The following MCM4 variants were observed in gnomAD, a reference collection of about 807,000 sequenced individuals.
MCM4 encodes the protein minichromosome maintenance complex component 4.
MCM4 carries 60 observed loss-of-function variants against 88.7 expected under a neutral mutation model. That is an observed-to-expected ratio of 0.68 (90% CI 0.55 to 0.84). The LOEUF (loss-of-function observed/expected upper bound fraction) is 0.84. Among genes scored for constraint, MCM4 ranks in the 40% least tolerant of loss-of-function variants. The pLI, the probability that MCM4 is intolerant of heterozygous loss-of-function variation, is 0.00. For missense variants in MCM4, 1,149 were observed against 1,105.5 expected (o/e 1.04, Z -0.56); for synonymous variants, 465 against 410.5 (o/e 1.13, Z -1.61).
At chr8:47,961,832 G>A in intron 3 of MCM4, 152 bp downstream of exon 3, 1 of 1,112,628 alleles carries the variant, frequency 9.0e-7, no homozygotes, top group South Asian at 1.6e-5. Context: ...GAGCTGAACG[G>A]AGTGCAGAAA....
rs1332552431 is a variant in MCM4, at chr8:47,976,697, A to C, written c.2511A>C (p.Lys837Asn). 6.2e-7 allele frequency: 1 copy of C among 1,612,552 alleles called. No homozygotes were observed. The highest frequency in any genetic ancestry group is 8.5e-7 in the Non-Finnish European group (1 of 1,178,750). Residue 837 changes from lysine to asparagine, a missense_variant, in exon 17 of 17, where the codon AAA becomes AAC. By Grantham distance (94) the Lys-to-Asn change is moderately conservative. Coordinates refer to ENST00000649973, the MANE Select transcript of MCM4 (RefSeq NM_182746.3). ...TCTCTTCCCCACAGGCAATTACTAA[A>C]GATATGTTTGAAGAAGCACTGCGTG... Reference protein sequence around the residue: ...IRGQSDIAITKDMFEEALRAL... With the variant: ...IRGQSDIAITNDMFEEALRAL...
rs759469814 is a variant in MCM4, at chr8:47,970,588, C to T, written c.1512C>T (p.Ile504=). The T allele has an allele frequency of 4.3e-6, 7 of 1,613,970 alleles. No individual in the cohort carries two copies. Among genetic ancestry groups the T allele is most frequent in the Non-Finnish European group, 5.9e-6 (7 of 1,180,006 alleles). The change falls in exon 12 of 17, where the codon ATC becomes ATT. Residue 504 remains isoleucine, a synonymous_variant. Coordinates refer to ENST00000649973, the MANE Select transcript of MCM4 (RefSeq NM_182746.3). ...HTGRGKFRAE[I]NILLCGDPGT... Reference sequence around the variant, plus strand: ...GAAGGGGCAAATTTCGGGCTGAGATCAACATCTTGCTGTGTGGCGACCCTG... The same window carrying T: ...GAAGGGGCAAATTTCGGGCTGAGATTAACATCTTGCTGTGTGGCGACCCTG...
intron 8 of MCM4, among the ~76,000 whole-genome samples, chr8:47,965,528 G>A (rs1265400381): frequency 1.3e-5 from 2 of 152,146 alleles, no homozygotes; most frequent in African/African-American, 4.8e-5. Context: ...TGATCTTCAC[G>A]GCTAGCAGTG....
At position 47,966,253 on chromosome 8, in the gene MCM4, A is replaced by G. The variant is rs144012681; in HGVS notation, c.899A>G (p.Gln300Arg). 247 of 1,613,936 alleles carry G rather than the reference A, an allele frequency of 1.5e-4. No homozygotes were observed. Among genetic ancestry groups the G allele is most frequent in the Non-Finnish European group, 2.0e-4 (240 of 1,180,026 alleles). ...IRTSQLIPEMQEAFFQCQVCA... is the reference protein window; with the variant it reads ...IRTSQLIPEMREAFFQCQVCA... ...ACATCCCAGCTGATTCCCGAGATGC[A>G]GGAGGCCTTCTTCCAGTGCCAAGTG... Residue 300 changes from glutamine (Q) to arginine (R), a missense_variant, in exon 9 of 17, where the codon CAG becomes CGG. By Grantham distance (43) the Gln-to-Arg change is conservative. Transcript: ENST00000649973.
In MCM4 at chr8:47,976,913, A is replaced by G. The variant is rs1470776870; in HGVS notation, c.*135A>G. On this transcript the variant is annotated 3_prime_UTR_variant, in exon 17 of 17. Coordinates refer to ENST00000649973, the MANE Select transcript of MCM4 (RefSeq NM_182746.3). Reference sequence around the variant, plus strand: ...GGTTTGGCTGCATAAAAATTTTCTAACTTGGGTTCAATATTTGTAGTGAAG... The same window carrying G: ...GGTTTGGCTGCATAAAAATTTTCTAGCTTGGGTTCAATATTTGTAGTGAAG... The G allele has an allele frequency of 1.7e-6, 1 of 571,994 alleles. No homozygotes were observed. Among genetic ancestry groups the G allele is most frequent in the Non-Finnish European group, 3.1e-6 (1 of 317,478 alleles). 35.4% of individuals were successfully genotyped at this position (571,994 alleles called of 1,614,324 possible). A position where few individuals can be genotyped will look rare whatever the true frequency, so the allele number is the denominator to read the frequency against.
chr8:47,971,022 C>T, intron 12 of MCM4, 146 bp downstream of exon 12: 1 of 1,018,022 alleles, frequency 9.8e-7, no homozygotes, highest in Non-Finnish European at 1.4e-6. Flanking sequence ...TCAGCTAAAT[C>T]TCAACATGTC....
intron 7 of MCM4, 72 bp from the exon 8 acceptor site, chr8:47,964,502 A>G (rs907747780): frequency 1.4e-5 from 17 of 1,208,424 alleles, no homozygotes; most frequent in African/African-American, 3.0e-5. Flanking sequence ...ATACTTTGCT[A>G]ATCTGACATG....
At chr8:47,967,980 A>G (rs1439577468) in intron 10 of MCM4, among the ~76,000 whole-genome samples, 2 of 152,220 alleles carry the variant, frequency 1.3e-5, no homozygotes, top group Admixed American at 6.5e-5. Context: ...TTCCATGTGT[A>G]GAAGCTGAGG....
Position 47,975,842 on chromosome 8 carries a change from T to G in MCM4, c.2493T>G (p.Ser831=), listed in dbSNP as rs779513768. The change falls in exon 16 of 17, where the codon TCT becomes TCG. Residue 831 remains serine (S), a synonymous_variant. Coordinates refer to ENST00000649973, the MANE Select transcript of MCM4 (RefSeq NM_182746.3). ...TTTTTGAAGATATTCGGGGACAATC[T>G]GACATAGTAAGTGTTTATATGTATT... ...QQLFEDIRGQ[S]DIAITKDMFE... 1 of 1,568,786 alleles carries G rather than the reference T, an allele frequency of 6.4e-7. No individual in the cohort carries two copies. Among genetic ancestry groups the G allele is most frequent in the Non-Finnish European group, 8.6e-7 (1 of 1,163,462 alleles).
intron 10 of MCM4, among the ~76,000 whole-genome samples, chr8:47,968,209 G>A (rs535119078): frequency 1.4e-4 from 22 of 152,252 alleles, no homozygotes; most frequent in African/African-American, 5.3e-4. Context: ...GGTGGCGACG[G>A]TCGCGGAGTG....
intron 14 of MCM4, 158 bp from the exon 15 acceptor site, chr8:47,974,576 T>G: frequency 1.5e-6 from 1 of 650,176 alleles, no homozygotes; most frequent in South Asian, 1.8e-5. Flanking sequence ...TTCTGTGGTC[T>G]GTCTGTGTAG....
At position 47,962,217 on chromosome 8, in the gene MCM4, G is replaced by A; in HGVS notation, c.399+1G>A. On this transcript the variant is annotated splice_donor_variant, in intron 4 of 16. Coordinates refer to ENST00000649973, the MANE Select transcript of MCM4 (RefSeq NM_182746.3). LOFTEE classifies it high-confidence loss of function. ...GCAAGTGGATCTGCAGTCTGACGGG[G>A]TGAGTATGCAGTCTCCTGAAACCAT... is the stretch of plus-strand genomic sequence containing the variant. The A allele has an allele frequency of 1.2e-6, 2 of 1,614,162 alleles. No individual in the cohort carries two copies. The highest frequency in any genetic ancestry group is 1.7e-6 in the Non-Finnish European group (2 of 1,180,020).
rs1288515806 is a variant in MCM4, at chr8:47,970,869, T to C, written c.1793T>C (p.Ile598Thr). Residue 598 changes from isoleucine (I) to threonine (T), a missense_variant, in exon 12 of 17, where the codon ATT (isoleucine) becomes ACT (threonine). By Grantham distance (89) the Ile-to-Thr change is moderately conservative. Coordinates refer to ENST00000649973, the MANE Select transcript of MCM4 (RefSeq NM_182746.3). ...HEVMEQQTLS[I>T]AKAGIICQLN... Reference sequence around the variant, plus strand: ...GTCATGGAACAGCAGACTCTGTCCATTGCAAAGGTGAGTCGCCTTCTCCAC... The same window carrying C: ...GTCATGGAACAGCAGACTCTGTCCACTGCAAAGGTGAGTCGCCTTCTCCAC... 2.5e-6 allele frequency: 4 copies of C among 1,590,786 alleles called. No homozygotes were observed. The highest frequency in any genetic ancestry group is 2.3e-5 in the South Asian group (2 of 88,838).
rs200598421 is a variant in MCM4 at position 47,961,602 on chromosome 8, A to C, written c.157A>C (p.Thr53Pro). ...TSTGELQPMP[T>P]SPGVDLQSPA... ...CACGGGGGAGTTGCAGCCGATGCCA[A>C]CCTCGCCTGGAGTGGACCTGCAGAG... Residue 53 changes from threonine (T) to proline (P), a missense_variant, in exon 3 of 17, where the codon ACC becomes CCC. Transcript: ENST00000649973. 8.7e-6 allele frequency: 14 copies of C among 1,614,100 alleles called. No individual in the cohort carries two copies. In the East Asian group the frequency reaches 2.5e-4, roughly 28 times the overall value.
intron 1 of MCM4, 38 bp from the exon 2 acceptor site, chr8:47,961,093 G>T: frequency 6.6e-7 from 1 of 1,508,580 alleles, no homozygotes; most frequent in Non-Finnish European, 8.8e-7. Context: ...AGGGAAGCCG[G>T]GAGGCGGGCC....
At chr8:47,962,012 G>A in intron 3 of MCM4, 41 bp from the exon 4 acceptor site, 2 of 1,592,122 alleles carry the variant, frequency 1.3e-6, no homozygotes, top group South Asian at 1.1e-5. Context: ...GTAATTTCAG[G>A]TTTGATATGC....
At chr8:47,962,721 C>A (rs2090856213) in intron 5 of MCM4, 43 bp from the exon 6 acceptor site, 1 of 1,181,704 alleles carries the variant, frequency 8.5e-7, no homozygotes, top group Non-Finnish European at 1.2e-6. Context: ...GTTGCCTGTT[C>A]CCAAATGCTA....
At position 47,962,930 on chromosome 8, in the gene MCM4, A is replaced by G; in HGVS notation, c.598-15A>G. On this transcript the variant is annotated splice_polypyrimidine_tract_variant and intron_variant, in intron 6 of 16. Coordinates refer to ENST00000649973, the MANE Select transcript of MCM4 (RefSeq NM_182746.3). ...TAAATTAGCAAAATATAACTTGTTC[A>G]TTTTTATTTTCTAGATTAATGTTAT... 6.3e-7 allele frequency: 1 copy of G among 1,579,890 alleles called. No individual in the cohort carries two copies. The highest frequency in any genetic ancestry group is 8.6e-7 in the Non-Finnish European group (1 of 1,162,482).
chr8:47,973,494 C>CTTTTTTTTTT (rs1241184472), intron 14 of MCM4, among the ~76,000 whole-genome samples: 4 of 141,894 alleles, frequency 2.8e-5, no homozygotes, highest in Non-Finnish European at 6.2e-5. Context: ...ATAAACTTTT[C>CTTTTTTTTTT]TTTTTTTTTT....
Sources: gnomAD v4.1 joint callset for allele counts (sites outside exome capture counted in the v4.1 genomes callset) on GRCh38, gnomAD v4.1.1 for gene constraint, MANE v1.5 for transcripts, NCBI Gene and HGNC (gene_info 2026-07-23, HGNC 2026-07-21) for gene names.